FANCC: variants seen among roughly 807,000 people sequenced by gnomAD.
FANCC encodes the protein Fanconi anemia group C protein.
A neutral mutation model predicts 71.3 loss-of-function variants in FANCC; 55 were observed. The ratio of observed to expected loss-of-function variants is 0.77; its 90% CI spans 0.62 to 0.97. FANCC has a LOEUF of 0.97. Ranked by LOEUF, FANCC falls within the 50% of genes least tolerant of loss-of-function variation. The probability of loss-of-function intolerance (pLI) is 0.00; values close to 1 mark genes in which losing one functional copy is unlikely to be tolerated. For synonymous variants in FANCC, 275 were observed against 244.9 expected (o/e 1.12, Z -1.15); for missense variants, 678 against 670.9 (o/e 1.01, Z -0.12).
chr9:95,283,719 T>C (rs1007213917), intron 1 of FANCC, among the ~76,000 whole-genome samples: 4 of 152,244 alleles, frequency 2.6e-5, no homozygotes, highest in Non-Finnish European at 5.9e-5. Context: ...GGTAGCAGCT[T>C]AATTATTTCA....
intron 12 of FANCC, 77 bp downstream of exon 12, chr9:95,114,552 G>T: frequency 7.9e-7 from 1 of 1,273,704 alleles, no homozygotes. Flanking sequence ...TCCTCTGTCA[G>T]CCCTGCTCAA....
At chr9:95,134,979 T>G (rs886527540) in intron 8 of FANCC, among the ~76,000 whole-genome samples, 1 of 152,272 alleles carries the variant, frequency 6.6e-6, no homozygotes, top group Non-Finnish European at 1.5e-5. Flanking sequence ...GAGCTACAAG[T>G]TTATTTTTTG....
Position 95,101,329 on chromosome 9 carries a change from A to G in FANCC, c.*378T>C. The G allele has an allele frequency of 2.8e-6, 1 of 359,410 alleles. No individual in the cohort carries two copies. The highest frequency in any genetic ancestry group is 4.2e-5 in the Admixed American group (1 of 23,604). The allele number at this position is 359,410 out of a possible 1,614,324, so 22.3% of individuals were successfully genotyped here. ...TAAATTCTTTAATGGTTCATGACCA[A>G]ATTCTTGGTTCTAAGACTTTGAATT... On this transcript the variant is annotated 3_prime_UTR_variant, in exon 15 of 15. Transcript: ENST00000289081.
chr9:95,294,077 T>C, intron 1 of FANCC: 2 of 1,610,656 alleles, frequency 1.2e-6, no homozygotes, highest in Non-Finnish European at 8.5e-7. Flanking sequence ...TCACAGAACA[T>C]GACAGATAAT....
intron 1 of FANCC, chr9:95,294,669 C>T: frequency 3.1e-6 from 5 of 1,591,226 alleles, no homozygotes; most frequent in Non-Finnish European, 4.3e-6. Context: ...CCCTGGGGAG[C>T]TTGTTCTTCA....
intron 1 of FANCC, among the ~76,000 whole-genome samples, chr9:95,312,430 C>A (rs1286037536): frequency 6.6e-6 from 1 of 152,130 alleles, no homozygotes; most frequent in Non-Finnish European, 1.5e-5. Flanking sequence ...ATGGTATAAT[C>A]ATGGCTCCAA....
chr9:95,169,356 T>C (rs1229085444), intron 6 of FANCC, among the ~76,000 whole-genome samples: 2 of 152,198 alleles, frequency 1.3e-5, no homozygotes, highest in Non-Finnish European at 2.9e-5. Flanking sequence ...TGTGTTATGA[T>C]TGGTGGCAAT....
intron 1 of FANCC, among the ~76,000 whole-genome samples, chr9:95,253,943 A>T: frequency 6.6e-6 from 1 of 152,214 alleles, no homozygotes; most frequent in East Asian, 1.9e-4. Flanking sequence ...ATGAGAATCT[A>T]ATGCCGCCAC....
chr9:95,108,040 C>T (rs1036813535), intron 13 of FANCC, among the ~76,000 whole-genome samples: 1 of 152,230 alleles, frequency 6.6e-6, no homozygotes, highest in African/African-American at 2.4e-5. Flanking sequence ...CCAAATGCCA[C>T]ATGGAACTCG....
At chr9:95,226,106 T>G (rs1280590407) in intron 4 of FANCC, among the ~76,000 whole-genome samples, 1 of 152,140 alleles carries the variant, frequency 6.6e-6, no homozygotes, top group Non-Finnish European at 1.5e-5. Flanking sequence ...GAGAAAAAAT[T>G]TTCAGACTAA....
intron 4 of FANCC, among the ~76,000 whole-genome samples, chr9:95,219,353 C>T (rs1170843554): frequency 6.6e-6 from 1 of 152,148 alleles, no homozygotes; most frequent in East Asian, 1.9e-4. Flanking sequence ...ACAGACAAAT[C>T]CAAGGAAGAT....
chr9:95,184,350 T>A (rs1223637392), intron 4 of FANCC, among the ~76,000 whole-genome samples: 1 of 152,120 alleles, frequency 6.6e-6, no homozygotes, highest in Non-Finnish European at 1.5e-5. Context: ...AACACAATTT[T>A]AAATTATCAC....
intron 4 of FANCC, among the ~76,000 whole-genome samples, chr9:95,197,890 A>G (rs1827555342): frequency 6.6e-6 from 1 of 152,238 alleles, no homozygotes; most frequent in African/African-American, 2.4e-5. Flanking sequence ...GAGTGGGTGG[A>G]ACAACACAGC....
At chr9:95,141,923 T>C (rs1338587397) in intron 7 of FANCC, among the ~76,000 whole-genome samples, 3 of 150,958 alleles carry the variant, frequency 2.0e-5, no homozygotes, top group Non-Finnish European at 4.4e-5. Context: ...CTACACATTG[T>C]CAAAAATAAT....
chr9:95,229,356 A>G (rs1435033271), intron 4 of FANCC, among the ~76,000 whole-genome samples: 1 of 151,742 alleles, frequency 6.6e-6, no homozygotes, highest in African/African-American at 2.4e-5. Flanking sequence ...ACACACAAAG[A>G]TACTGCAATG....
intron 4 of FANCC, among the ~76,000 whole-genome samples, chr9:95,223,816 A>T (rs934864068): frequency 6.6e-6 from 1 of 152,066 alleles, no homozygotes; most frequent in Non-Finnish European, 1.5e-5. Flanking sequence ...GTCTCTACTG[A>T]CAATACAAAA....
At chr9:95,267,854 GA>G (rs1452180017) in intron 1 of FANCC, among the ~76,000 whole-genome samples, 3 of 152,110 alleles carry the variant, frequency 2.0e-5, no homozygotes, top group Non-Finnish European at 4.4e-5. Context: ...TGTAAATCAG[GA>G]CTACGGTCAT....
At chr9:95,176,420 G>A (rs1826012994) in intron 4 of FANCC, among the ~76,000 whole-genome samples, 1 of 152,224 alleles carries the variant, frequency 6.6e-6, no homozygotes, top group African/African-American at 2.4e-5. Flanking sequence ...TTACAAGCCT[G>A]TTTGCGACCC....
intron 6 of FANCC, among the ~76,000 whole-genome samples, chr9:95,153,913 T>C (rs944584260): frequency 5.3e-5 from 8 of 152,222 alleles, no homozygotes; most frequent in Non-Finnish European, 8.8e-5. Context: ...AGTACTTCAA[T>C]GTGTTGTTTG....
Sources: gnomAD v4.1 joint callset for allele counts (sites outside exome capture counted in the v4.1 genomes callset) on GRCh38, gnomAD v4.1.1 for gene constraint, MANE v1.5 for transcripts, NCBI Gene and HGNC (gene_info 2026-07-23, HGNC 2026-07-21) for gene names.